The following RAB3C variants were observed in gnomAD, a reference collection of about 807,000 sequenced individuals.
RAB3C encodes RAB3C, member RAS oncogene family.
In RAB3C, 17 loss-of-function variants were observed where a neutral mutation model predicts 26.4. That is an observed-to-expected ratio of 0.64 (90% CI 0.44 to 0.97). The LOEUF is 0.97. Ranked by LOEUF, RAB3C falls within the 50% of genes least tolerant of loss-of-function variation. The probability of loss-of-function intolerance (pLI) is 0.00; values close to 1 mark genes in which losing one functional copy is unlikely to be tolerated. For synonymous variants in RAB3C, 91 were observed against 95.9 expected (o/e 0.95, Z 0.30); for missense variants, 242 against 281.9 (o/e 0.86, Z 1.01).
chr5:58,780,016 C>T (rs746172103), intron 3 of RAB3C, among the ~76,000 whole-genome samples: 2 of 152,020 alleles, frequency 1.3e-5, no homozygotes, highest in Non-Finnish European at 2.9e-5. Context: ...CCAAAAGCTT[C>T]GGGCACAGGG....
chr5:58,646,081 T>A (rs1176280199), intron 2 of RAB3C, among the ~76,000 whole-genome samples: 1 of 152,206 alleles, frequency 6.6e-6, no homozygotes, highest in Non-Finnish European at 1.5e-5. Context: ...AGGAGCGAAG[T>A]CGAATGATTT....
At chr5:58,595,437 G>A (rs1746227089) in intron 1 of RAB3C, among the ~76,000 whole-genome samples, 1 of 152,086 alleles carries the variant, frequency 6.6e-6, no homozygotes, top group African/African-American at 2.4e-5. Context: ...AGCTGGTGGA[G>A]AGCTCTAGGA....
intron 3 of RAB3C, among the ~76,000 whole-genome samples, chr5:58,741,012 C>T (rs2111946236): frequency 6.6e-6 from 1 of 152,204 alleles, no homozygotes; most frequent in East Asian, 1.9e-4. Context: ...TTCTGTGACC[C>T]CTTTTAGGTT....
intron 2 of RAB3C, among the ~76,000 whole-genome samples, chr5:58,655,010 C>T (rs1349820264): frequency 6.6e-6 from 1 of 152,030 alleles, no homozygotes; most frequent in Non-Finnish European, 1.5e-5. Flanking sequence ...TTTCTCTGTA[C>T]TTATAATTTT....
In RAB3C at chr5:58,612,487, GGTGTGT is replaced by G. The variant is rs372157686; in HGVS notation, c.25-5127_25-5122del. Reference sequence around the variant, plus strand: ...GGTTAGCTGGTTAGCTGTGTTCCTAGGTGTGTGTGTGTGTGTGTGTGTGTGTGTGTG... The same window carrying G: ...GGTTAGCTGGTTAGCTGTGTTCCTAGGTGTGTGTGTGTGTGTGTGTGTGTG... On this transcript the variant is annotated intron_variant, in intron 1 of 4. Transcript: ENST00000282878. 2.6e-4 allele frequency among the ~76,000 whole-genome samples: 29 copies of G among 113,030 alleles called. No individual in the cohort carries two copies. The South Asian group carries it at 3.6e-3, about 14-fold the overall frequency. The allele number at this position is 113,030 out of a possible 152,430, so 74.2% of individuals were successfully genotyped here.
At chr5:58,837,708 A>C (rs1263106297) in intron 4 of RAB3C, among the ~76,000 whole-genome samples, 1 of 150,152 alleles carries the variant, frequency 6.7e-6, no homozygotes, top group Middle Eastern at 3.2e-3. Flanking sequence ...ACAGGTGCCC[A>C]CCACCACACC....
At chr5:58,707,324 A>T (rs1049482325) in intron 2 of RAB3C, among the ~76,000 whole-genome samples, 11 of 152,236 alleles carry the variant, frequency 7.2e-5, no homozygotes, top group Non-Finnish European at 1.3e-4. Context: ...AACATGAAAT[A>T]TGTTGATGTA....
chr5:58,660,144 GAAA>G (rs1747870787), intron 2 of RAB3C, among the ~76,000 whole-genome samples: 5 of 147,414 alleles, frequency 3.4e-5, no homozygotes, highest in Admixed American at 1.3e-4. Flanking sequence ...TTGGGATGAA[GAAA>G]TAAAACAAAA....
At chr5:58,728,506 A>G (rs1010191207) in intron 3 of RAB3C, among the ~76,000 whole-genome samples, 4 of 152,034 alleles carry the variant, frequency 2.6e-5, no homozygotes, top group African/African-American at 9.7e-5. Flanking sequence ...CACCCTCTAC[A>G]GGTGATCCAT....
chr5:58,847,892 G>A (rs1254827551), intron 4 of RAB3C, among the ~76,000 whole-genome samples: 1 of 151,948 alleles, frequency 6.6e-6, no homozygotes, highest in African/African-American at 2.4e-5. Flanking sequence ...GTCTCGCTCT[G>A]TCACCCAGGC....
chr5:58,674,988 C>A (rs1294728150), intron 2 of RAB3C, among the ~76,000 whole-genome samples: 1 of 152,162 alleles, frequency 6.6e-6, no homozygotes, highest in African/African-American at 2.4e-5. Context: ...CCTCTGAATG[C>A]ATTCCTCAGA....
At chr5:58,844,658 T>C (rs1007171419) in intron 4 of RAB3C, among the ~76,000 whole-genome samples, 1 of 152,224 alleles carries the variant, frequency 6.6e-6, no homozygotes, top group Non-Finnish European at 1.5e-5. Flanking sequence ...GACAAGACAT[T>C]GCAACTGTAA....
chr5:58,655,089 G>A (rs1013468166), intron 2 of RAB3C, among the ~76,000 whole-genome samples: 7 of 152,224 alleles, frequency 4.6e-5, no homozygotes, highest in Middle Eastern at 3.4e-3. Context: ...ATATGATCAG[G>A]GTTGCTAAAT....
chr5:58,681,624 A>C (rs886932133), intron 2 of RAB3C, among the ~76,000 whole-genome samples: 1 of 152,244 alleles, frequency 6.6e-6, no homozygotes, highest in Non-Finnish European at 1.5e-5. Context: ...GCCTTGAGCC[A>C]CAGTGAAGAG....
intron 2 of RAB3C, among the ~76,000 whole-genome samples, chr5:58,682,758 T>C (rs186663284): frequency 2.6e-5 from 4 of 151,834 alleles, no homozygotes. Flanking sequence ...TATATAACTA[T>C]TATGAGGGAA....
intron 2 of RAB3C, among the ~76,000 whole-genome samples, chr5:58,622,488 G>A (rs1201059341): frequency 6.6e-6 from 1 of 152,066 alleles, no homozygotes; most frequent in Non-Finnish European, 1.5e-5. Flanking sequence ...GGCCTCAGGG[G>A]CAGTCTCTGT....
At chr5:58,696,069 T>C (rs1197332064) in intron 2 of RAB3C, among the ~76,000 whole-genome samples, 1 of 152,238 alleles carries the variant, frequency 6.6e-6, no homozygotes. Flanking sequence ...TTGTCATAAA[T>C]AACTCATATT....
At chr5:58,833,053 A>G (rs1743651279) in intron 4 of RAB3C, among the ~76,000 whole-genome samples, 1 of 152,094 alleles carries the variant, frequency 6.6e-6, no homozygotes, top group Non-Finnish European at 1.5e-5. Flanking sequence ...ATGTTTTATA[A>G]GGTACTACTG....
At chr5:58,611,502 T>C (rs34869513) in intron 1 of RAB3C, among the ~76,000 whole-genome samples, 21,109 of 152,194 alleles carry the variant, frequency 0.14, 1,641 homozygotes, top group Middle Eastern at 0.19. Context: ...CTTTTTTTCA[T>C]GTGTTTGTTG....
Sources: gnomAD v4.1 joint callset for allele counts (sites outside exome capture counted in the v4.1 genomes callset) on GRCh38, gnomAD v4.1.1 for gene constraint, MANE v1.5 for transcripts, NCBI Gene and HGNC (gene_info 2026-07-23, HGNC 2026-07-21) for gene names.